Variants in KIF3A observed in about 807,000 individuals in gnomAD.
KIF3A encodes the protein kinesin-like protein KIF3A.
KIF3A carries 27 observed loss-of-function variants against 92.6 expected under a neutral mutation model. The observed-to-expected ratio is 0.29, with a 90% CI of 0.21 to 0.40. The LOEUF is 0.40. Ranked by LOEUF, KIF3A falls within the 10% of genes least tolerant of loss-of-function variation. KIF3A has a pLI of 1.00. For synonymous variants in KIF3A, 250 were observed against 275.4 expected (o/e 0.91, Z 0.92); for missense variants, 581 against 872.6 (o/e 0.67, Z 4.21).
chr5:132,700,426 C>T, intron 16 of KIF3A, 142 bp from the exon 17 acceptor site: 1 of 663,900 alleles, frequency 1.5e-6, no homozygotes, highest in Non-Finnish European at 2.7e-6. Flanking sequence ...CCAGAGGTCA[C>T]TTAGTCCCAC....
At chr5:132,702,345 C>A in intron 14 of KIF3A, 133 bp from the exon 15 acceptor site, 1 of 838,374 alleles carries the variant, frequency 1.2e-6, no homozygotes, top group Non-Finnish European at 1.8e-6. Context: ...TGATAAACAG[C>A]GTGACACTAT....
At chr5:132,732,804 G>A (rs144885942) in intron 2 of KIF3A, among the ~76,000 whole-genome samples, 3,877 of 152,160 alleles carry the variant, frequency 0.025, 171 homozygotes, top group African/African-American at 0.09. Context: ...AGCTACTCAG[G>A]AGGCTGAGGC....
chr5:132,709,162 A>T (rs1753328731), intron 9 of KIF3A, among the ~76,000 whole-genome samples, 184 bp from the exon 10 acceptor site: 1 of 152,240 alleles, frequency 6.6e-6, no homozygotes. Context: ...AATATTCTCT[A>T]CTTTACAAAG....
chr5:132,711,676 G>A (rs1753431236), intron 8 of KIF3A, among the ~76,000 whole-genome samples: 1 of 151,880 alleles, frequency 6.6e-6, no homozygotes, highest in African/African-American at 2.4e-5. Flanking sequence ...TACTAATTCA[G>A]TCTTTTAAAA....
chr5:132,705,621 GC>G (rs766470045), intron 11 of KIF3A, among the ~76,000 whole-genome samples: 8 of 151,902 alleles, frequency 5.3e-5, no homozygotes. Context: ...TGATACTTTA[GC>G]AGCAAAAATC....
At chr5:132,701,566 G>C (rs1050035624) in intron 15 of KIF3A, among the ~76,000 whole-genome samples, 2 of 150,630 alleles carry the variant, frequency 1.3e-5, no homozygotes, top group Admixed American at 6.6e-5. Flanking sequence ...ACAAATTTTG[G>C]ATTAAAAAAA....
chr5:132,736,640 C>T, intron 1 of KIF3A: 1 of 330,986 alleles, frequency 3.0e-6, no homozygotes, highest in South Asian at 2.5e-5. Context: ...TCTTAAATGT[C>T]AAGCACTGTC....
At chr5:132,717,385 G>A (rs1365502836) in intron 5 of KIF3A, among the ~76,000 whole-genome samples, 3 of 152,100 alleles carry the variant, frequency 2.0e-5, no homozygotes, top group Non-Finnish European at 4.4e-5. Flanking sequence ...AGCTACTTGG[G>A]AGGCTGAGGC....
rs763567491 is a variant in KIF3A at position 132,700,239 on chromosome 5, C to T, written c.1984G>A (p.Val662Ile). The change falls in exon 17 of 19, where the codon GTA (valine) becomes ATA (isoleucine). Residue 662 changes from valine to isoleucine, a missense_variant. Coordinates refer to ENST00000403231, the MANE Select transcript of KIF3A (RefSeq NM_001300791.2). ...ACATCTTTCTCCTTTTTATCAGGTA[C>T]TGGGGTTTGCTTCCTCATGTTATTT... ...TGNNMRKQTPVPDKKEKDPFE... is the reference protein window; with the variant it reads ...TGNNMRKQTPIPDKKEKDPFE... 1 of 1,595,526 alleles carries T rather than the reference C, an allele frequency of 6.3e-7. No homozygotes were observed. Among genetic ancestry groups the T allele is most frequent in the South Asian group, 1.1e-5 (1 of 89,946 alleles).
At chr5:132,700,993 A>T (rs146691978) in intron 15 of KIF3A, among the ~76,000 whole-genome samples, 466 of 152,282 alleles carry the variant, frequency 3.1e-3, no homozygotes, top group Non-Finnish European at 5.4e-3. Flanking sequence ...AACTGGTTAG[A>T]AGTAGTTATT....
At chr5:132,689,790 A>G (rs1050422444), downstream of KIF3A, 6 of 152,236 alleles carry the variant, frequency 3.9e-5, no homozygotes, top group Admixed American at 2.0e-4. Context: ...TATCTTGTAC[A>G]TGCCAGGGCA....
At chr5:132,718,642 T>G (rs1179552487) in intron 5 of KIF3A, among the ~76,000 whole-genome samples, 1 of 151,052 alleles carries the variant, frequency 6.6e-6, no homozygotes, top group Non-Finnish European at 1.5e-5. Context: ...TTGTTTTGTT[T>G]TTGAGACAGA....
At chr5:132,703,675 A>T in intron 11 of KIF3A, 56 bp from the exon 12 acceptor site, 1 of 1,312,808 alleles carries the variant, frequency 7.6e-7, no homozygotes, top group East Asian at 2.4e-5. Context: ...TTTCAGACTT[A>T]TATAAATTAC....
Position 132,693,959 on chromosome 5 carries a change from C to T in KIF3A, c.*2675G>A, listed in dbSNP as rs185408688. 3.2e-3 allele frequency: 466 copies of T among 147,074 alleles called. No individual in the cohort carries two copies. The highest frequency in any genetic ancestry group is 5.5e-3 in the Non-Finnish European group (368 of 66,940). The allele number at this position is 147,074 out of a possible 1,614,324, so 9.1% of individuals were successfully genotyped here. On this transcript the variant is annotated 3_prime_UTR_variant, in exon 19 of 19. Transcript: ENST00000403231. ...TCGCGCCACTGCACTCCAGCCTGGGCGACAGAGTAAGACTCCGTCTCAAAA... is the reference window on the plus strand; with the variant it reads ...TCGCGCCACTGCACTCCAGCCTGGGTGACAGAGTAAGACTCCGTCTCAAAA...
chr5:132,721,946 G>C (rs1753839424), intron 4 of KIF3A, among the ~76,000 whole-genome samples: 2 of 152,102 alleles, frequency 1.3e-5, no homozygotes, highest in Admixed American at 1.3e-4. Flanking sequence ...CCTTTTAAAA[G>C]GTTTGAAAAT....
downstream of KIF3A, among the ~76,000 whole-genome samples, chr5:132,691,557 AAAG>A (rs1301813748): frequency 6.6e-6 from 1 of 151,784 alleles, no homozygotes; most frequent in Non-Finnish European, 1.5e-5. Flanking sequence ...CAAAAAAAAA[AAAG>A]TATTTTTGGT....
chr5:132,692,188 T>C (rs1752682585), downstream of KIF3A, among the ~76,000 whole-genome samples: 1 of 152,154 alleles, frequency 6.6e-6, no homozygotes, highest in South Asian at 2.1e-4. Flanking sequence ...AAATACCGCA[T>C]GTTGTCACTT....
At chr5:132,690,781 G>C (rs1035029444), downstream of KIF3A, among the ~76,000 whole-genome samples, 9 of 152,168 alleles carry the variant, frequency 5.9e-5, no homozygotes, top group Admixed American at 5.9e-4. Context: ...CAAAAAATTA[G>C]CCGGGCGTGG....
At chr5:132,707,005 A>G (rs1753234726) in intron 10 of KIF3A, among the ~76,000 whole-genome samples, 1 of 152,180 alleles carries the variant, frequency 6.6e-6, no homozygotes, top group African/African-American at 2.4e-5. Context: ...AACCTGAACC[A>G]ATCCAACAGA....
Sources: gnomAD v4.1 joint callset for allele counts (sites outside exome capture counted in the v4.1 genomes callset) on GRCh38, gnomAD v4.1.1 for gene constraint, MANE v1.5 for transcripts, NCBI Gene and HGNC (gene_info 2026-07-23, HGNC 2026-07-21) for gene names.